The following TMEM167A variants were observed in gnomAD, a reference collection of about 807,000 sequenced individuals.
TMEM167A encodes the protein protein kish-A.
Under a neutral mutation model 11.6 loss-of-function variants are expected in TMEM167A, and 8 were observed. The ratio of observed to expected loss-of-function variants is 0.69; its 90% CI spans 0.40 to 1.24. The LOEUF (loss-of-function observed/expected upper bound fraction) is 1.24, where lower values mean the gene tolerates loss of function less well. Ranked by LOEUF, TMEM167A falls within the 50% of genes most tolerant of loss-of-function variation. The pLI is 0.01. For synonymous variants in TMEM167A, 22 were observed against 28.0 expected (o/e 0.79, Z 0.67); for missense variants, 62 against 87.0 (o/e 0.71, Z 1.14).
At chr5:83,066,516 A>T (rs1450852069) in intron 1 of TMEM167A, among the ~76,000 whole-genome samples, 1 of 152,228 alleles carries the variant, frequency 6.6e-6, no homozygotes, top group Non-Finnish European at 1.5e-5. Flanking sequence ...TGGAAAAAAG[A>T]TAGCATCCAG....
intron 1 of TMEM167A, among the ~76,000 whole-genome samples, chr5:83,066,314 A>C (rs1744480801): frequency 1.3e-5 from 2 of 152,216 alleles, no homozygotes; most frequent in Non-Finnish European, 2.9e-5. Context: ...AATGAAACAA[A>C]GAATGACTCA....
In TMEM167A at chr5:83,069,118, T is replaced by C. The variant is rs961707406; in HGVS notation, c.4-4001A>G. ...ATTTACAAGTATGAAATATATGATATATACAACTTTGTTCTGGGGGTTTAA... is the reference window on the plus strand; with the variant it reads ...ATTTACAAGTATGAAATATATGATACATACAACTTTGTTCTGGGGGTTTAA... On this transcript the variant is annotated intron_variant, in intron 1 of 3. Coordinates refer to ENST00000502346, the MANE Select transcript of TMEM167A (RefSeq NM_174909.5). 2.0e-5 allele frequency among the ~76,000 whole-genome samples: 3 copies of C among 152,192 alleles called. No individual in the cohort carries two copies. The East Asian group carries it at 5.8e-4, about 29-fold the overall frequency.
intron 1 of TMEM167A, among the ~76,000 whole-genome samples, chr5:83,075,495 C>T (rs1022066880): frequency 6.6e-6 from 1 of 151,992 alleles, no homozygotes; most frequent in Non-Finnish European, 1.5e-5. Flanking sequence ...GCCTGTAATC[C>T]CAGCACTTTG....
chr5:83,057,770 C>A (rs1004479932), intron 3 of TMEM167A, among the ~76,000 whole-genome samples: 1 of 152,114 alleles, frequency 6.6e-6, no homozygotes. Flanking sequence ...CTAACCACTT[C>A]TGTATCAGTC....
rs1744699474 is a variant in TMEM167A at position 83,077,303 on chromosome 5, G to C, written c.3+18C>G. On this transcript the variant is annotated intron_variant, in intron 1 of 3. Coordinates refer to ENST00000502346, the MANE Select transcript of TMEM167A (RefSeq NM_174909.5). ...CCTTCTCGAAGATCAACCGCGACCT[G>C]GGAGCCCCACTTCTTACCATAGCGA... The C allele has an allele frequency of 3.7e-6, 6 of 1,614,204 alleles. No individual in the cohort carries two copies.
intron 1 of TMEM167A, among the ~76,000 whole-genome samples, chr5:83,074,755 A>G (rs1452213470): frequency 2.0e-5 from 3 of 149,632 alleles, no homozygotes; most frequent in Admixed American, 6.7e-5. Context: ...GACACTGAGC[A>G]TGTTTGTATC....
chr5:83,065,211 T>C, intron 1 of TMEM167A, 94 bp from the exon 2 acceptor site: 1 of 778,418 alleles, frequency 1.3e-6, no homozygotes, highest in Non-Finnish European at 2.1e-6. Context: ...CATGTTTTTA[T>C]TTCTTCAAGA....
At chr5:83,058,125 A>G in intron 3 of TMEM167A, among the ~76,000 whole-genome samples, 1 of 152,048 alleles carries the variant, frequency 6.6e-6, no homozygotes, top group East Asian at 1.9e-4. Flanking sequence ...CTCTTTCTTA[A>G]TGAAACTCCT....
intron 2 of TMEM167A, chr5:83,064,485 A>G (rs1243602109): frequency 7.5e-6 from 3 of 398,234 alleles, no homozygotes; most frequent in South Asian, 3.8e-5. Context: ...ATCAATAGGA[A>G]TAAGTGTTTA....
rs1247920331 is a variant in TMEM167A, at chr5:83,076,158, A to G, written c.3+1163T>C. 4.6e-5 allele frequency among the ~76,000 whole-genome samples: 7 copies of G among 152,364 alleles called. No individual in the cohort carries two copies. The East Asian group carries it at 9.6e-4, about 21-fold the overall frequency. ...TACTAGGTGTGATCCGAGGCAAGTC[A>G]GTCTCTTCATGTTTCACTTCTTTCA... On this transcript the variant is annotated intron_variant, in intron 1 of 3. Transcript: ENST00000502346.
At chr5:83,074,081 A>T (rs568413862) in intron 1 of TMEM167A, among the ~76,000 whole-genome samples, 1 of 152,234 alleles carries the variant, frequency 6.6e-6, no homozygotes, top group South Asian at 2.1e-4. Flanking sequence ...TCAAGTAAGC[A>T]ATTAAACATC....
At chr5:83,069,577 T>G (rs1271338027) in intron 1 of TMEM167A, among the ~76,000 whole-genome samples, 1 of 152,124 alleles carries the variant, frequency 6.6e-6, no homozygotes, top group Non-Finnish European at 1.5e-5. Context: ...AACTGACTCA[T>G]GCGTCCAATC....
At chr5:83,066,990 C>T (rs564507078) in intron 1 of TMEM167A, among the ~76,000 whole-genome samples, 3 of 152,324 alleles carry the variant, frequency 2.0e-5, no homozygotes, top group East Asian at 3.9e-4. Flanking sequence ...AGCCCTACTA[C>T]TCTTAGCCTG....
rs559758102 is a variant in TMEM167A at position 83,054,732 on chromosome 5, G to T, written c.*2352C>A. 6.6e-6 allele frequency: 1 copy of T among 151,822 alleles called. No homozygotes were observed. Among genetic ancestry groups the T allele is most frequent in the East Asian group, 1.9e-4 (1 of 5,184 alleles). The allele number at this position is 151,822 out of a possible 1,614,324, so 9.4% of individuals were successfully genotyped here. A position where few individuals can be genotyped will look rare whatever the true frequency, so the allele number is the denominator to read the frequency against. ...GAAGAGCAGGGAAAATAACTACTGG[G>T]TACTAGGCTTAGCACCTGGGTGACA... On this transcript the variant is annotated 3_prime_UTR_variant, in exon 4 of 4. Coordinates refer to ENST00000502346, the MANE Select transcript of TMEM167A (RefSeq NM_174909.5).
intron 1 of TMEM167A, among the ~76,000 whole-genome samples, chr5:83,072,821 C>T (rs926589068): frequency 6.6e-6 from 1 of 152,148 alleles, no homozygotes; most frequent in African/African-American, 2.4e-5. Context: ...TAGAGAAGAT[C>T]AGCACCCACA....
intron 3 of TMEM167A, 87 bp downstream of exon 3, chr5:83,061,790 T>C (rs1744410469): frequency 3.1e-6 from 4 of 1,293,408 alleles, no homozygotes; most frequent in Non-Finnish European, 4.4e-6. Flanking sequence ...CCTTTAAAAA[T>C]TAACATTTGA....
chr5:83,075,538 A>G (rs1173917493), intron 1 of TMEM167A, among the ~76,000 whole-genome samples: 1 of 152,120 alleles, frequency 6.6e-6, no homozygotes, highest in African/African-American at 2.4e-5. Context: ...CGAGGTCAAG[A>G]GATCGAGACC....
intron 1 of TMEM167A, among the ~76,000 whole-genome samples, chr5:83,072,899 A>G (rs758138841): frequency 6.6e-6 from 1 of 152,216 alleles, no homozygotes; most frequent in Admixed American, 6.5e-5. Flanking sequence ...TCATGGGTTC[A>G]TAAGATCAGA....
At chr5:83,070,014 A>G (rs907309401) in intron 1 of TMEM167A, among the ~76,000 whole-genome samples, 2 of 152,194 alleles carry the variant, frequency 1.3e-5, no homozygotes, top group Non-Finnish European at 2.9e-5. Flanking sequence ...ATCAAGTAGA[A>G]AGATGCAAAT....
Sources: gnomAD v4.1 joint callset for allele counts (sites outside exome capture counted in the v4.1 genomes callset) on GRCh38, gnomAD v4.1.1 for gene constraint, MANE v1.5 for transcripts, NCBI Gene and HGNC (gene_info 2026-07-23, HGNC 2026-07-21) for gene names.